Variants in GGA2 observed in about 807,000 individuals in gnomAD.
The protein encoded by GGA2 is golgi associated, gamma adaptin ear containing, ARF binding protein 2.
In GGA2, 48 loss-of-function variants were observed where a neutral mutation model predicts 79.5. The observed-to-expected ratio is 0.60, with a 90% confidence interval of 0.48 to 0.77. GGA2 has a LOEUF of 0.77. Among genes scored for constraint, GGA2 ranks in the 30% least tolerant of loss-of-function variants. The pLI is 0.00. For missense variants in GGA2, 770 were observed against 774.0 expected, an observed-to-expected ratio of 0.99 and a Z score of 0.06; for synonymous variants, 317 against 302.0, an observed-to-expected ratio of 1.05 and a Z score of -0.51.
At chr16:23,514,652 AT>A (rs1282467094), upstream of GGA2, among the ~76,000 whole-genome samples, 1 of 152,006 alleles carries the variant, frequency 6.6e-6, no homozygotes, top group Non-Finnish European at 1.5e-5. Flanking sequence ...AGGTCTCACC[AT>A]GTTGCCCAGG....
chr16:23,493,378 G>C lies in GGA2; in HGVS notation c.333C>G (p.Ile111Met). 3 of 1,602,320 alleles carry C rather than the reference G, an allele frequency of 1.9e-6. No individual in the cohort carries two copies. The highest frequency in any genetic ancestry group is 1.1e-5 in the South Asian group (1 of 90,806). Residue 111 changes from isoleucine to methionine, a missense_variant, in exon 4 of 17, where the codon ATC becomes ATG. Physicochemically the swap from Ile to Met is conservative, Grantham distance 10. Transcript: ENST00000309859. ...VAKFRFLNEL[I>M]KVLSPKYLGS... ...TACTCACCTTTGGGGACAACACTTTGATCAGTTCGTTCAGGAAACGAAATT... is the reference window on the plus strand; with the variant it reads ...TACTCACCTTTGGGGACAACACTTTCATCAGTTCGTTCAGGAAACGAAATT...
At chr16:23,509,270 C>T (rs1965009023) in intron 1 of GGA2, among the ~76,000 whole-genome samples, 1 of 152,178 alleles carries the variant, frequency 6.6e-6, no homozygotes, top group African/African-American at 2.4e-5. Flanking sequence ...GATTCCTGAG[C>T]TTTAGGCTTG....
At position 23,465,212 on chromosome 16, in the gene GGA2, C is replaced by T; in HGVS notation, c.*2378G>A. The T allele has an allele frequency of 3.2e-6, 2 of 632,198 alleles. No homozygotes were observed. The highest frequency in any genetic ancestry group is 5.5e-5 in the East Asian group (2 of 36,632). 39.2% of individuals were successfully genotyped at this position (632,198 alleles called of 1,614,324 possible). On this transcript the variant is annotated 3_prime_UTR_variant, in exon 17 of 17. Transcript: ENST00000309859. ...TGTAGCCCAGGCTGGACTTGAAATCCTGGGCTCAAGCGGTCATCCCACTCA... is the reference window on the plus strand; with the variant it reads ...TGTAGCCCAGGCTGGACTTGAAATCTTGGGCTCAAGCGGTCATCCCACTCA...
At chr16:23,521,856 A>C in exon 1 of GGA2, 1 of 456,070 alleles carries the variant, frequency 2.2e-6, no homozygotes, top group Non-Finnish European at 4.4e-6. Context: ...ATGCTCTGAC[A>C]ACACTCAGTA....
rs1304271551 is a variant in GGA2 at position 23,479,770 on chromosome 16, G to C, written c.1124C>G (p.Ala375Gly). 1.2e-6 allele frequency: 2 copies of C among 1,613,974 alleles called. No homozygotes were observed. Among genetic ancestry groups the C allele is most frequent in the Middle Eastern group, 3.3e-4 (2 of 5,980 alleles). The change falls in exon 11 of 17, where the codon GCC (alanine) becomes GGC (glycine). Residue 375 changes from alanine to glycine, a missense_variant. Ala to Gly is a moderately conservative substitution (Grantham distance 60, BLOSUM62 0). Coordinates refer to ENST00000309859, the MANE Select transcript of GGA2 (RefSeq NM_015044.4). The part of the protein sequence containing the change: ...VPSLLHQDLA[A>G]LGISDAPVTG... ...CCACAAGCACCTGCCCTCACCCAAG[G>C]CTGCCAGGTCCTGATGAAGCAAAGA...
rs1964451285 is a variant in GGA2 at position 23,467,387 on chromosome 16, A to AACACACACCCACACACACACAC, written c.*202_*203insGTGTGTGTGTGTGGGTGTGTGT. The AACACACACCCACACACACACAC allele has an allele frequency of 3.2e-6, 1 of 308,086 alleles. No homozygotes were observed. 19.1% of individuals were successfully genotyped at this position (308,086 alleles called of 1,614,324 possible). ...GCCCTGTGCTACCACCCTCTCCCCGAACACACACACACACACACACACACA... is the reference window on the plus strand; with the variant it reads ...GCCCTGTGCTACCACCCTCTCCCCGAACACACACCCACACACACACACACACACACACACACACACACACACA... On this transcript the variant is annotated 3_prime_UTR_variant, in exon 17 of 17. Coordinates refer to ENST00000309859, the MANE Select transcript of GGA2 (RefSeq NM_015044.4).
At chr16:23,475,398 C>T (rs943241791) in intron 13 of GGA2, among the ~76,000 whole-genome samples, 2 of 151,570 alleles carry the variant, frequency 1.3e-5, no homozygotes, top group South Asian at 2.1e-4. Context: ...CCACGTTGGC[C>T]GCGCTGGTCT....
chr16:23,516,872 C>G (rs1055636479), intron 2 of GGA2, among the ~76,000 whole-genome samples: 2 of 152,166 alleles, frequency 1.3e-5, no homozygotes, highest in Non-Finnish European at 2.9e-5. Context: ...GAAAGCCACC[C>G]TCTCCCCAGC....
intron 1 of GGA2, among the ~76,000 whole-genome samples, chr16:23,497,362 C>G (rs1964869357): frequency 6.6e-6 from 1 of 152,152 alleles, no homozygotes; most frequent in Admixed American, 6.6e-5. Context: ...CAGAAAACTT[C>G]CTCCCGCTGC....
At position 23,491,139 on chromosome 16, in the gene GGA2, A is replaced by G. The variant is rs916304347; in HGVS notation, c.475+538T>C. Among the ~76,000 whole-genome samples, 3 of 151,570 alleles carry G rather than the reference A, an allele frequency of 2.0e-5. 1 individual carries two copies. Among genetic ancestry groups the G allele is most frequent in the Admixed American group, 2.0e-4 (3 of 15,184 alleles). On this transcript the variant is annotated intron_variant, in intron 5 of 16. Transcript: ENST00000309859. The stretch of plus-strand genomic sequence containing the variant: ...TGTGTGTTGGGGTGTGGGTGGGAGA[A>G]TAATAATAAATGAAAAAATTAGTTG...
chr16:23,467,591 T>C lies in GGA2; in HGVS notation c.1841A>G (p.Ter614=). ...FPDLAVLGAA[*] ...ATGAAGGGTCCATCTTGTGAAAAGT[T>C]AGGCTGCGCCCAAGACAGCCAGGTC... Residue 614 remains the stop codon, a stop_retained_variant, in exon 17 of 17, where the codon TAA becomes TGA. Transcript: ENST00000309859. 3 of 1,494,916 alleles carry C rather than the reference T, an allele frequency of 2.0e-6. No homozygotes were observed. The highest frequency in any genetic ancestry group is 2.8e-6 in the Non-Finnish European group (3 of 1,072,460). The allele number at this position is 1,494,916 out of a possible 1,614,324, so 92.6% of individuals were successfully genotyped here. A position where few individuals can be genotyped will look rare whatever the true frequency, so the allele number is the denominator to read the frequency against.
intron 1 of GGA2, among the ~76,000 whole-genome samples, chr16:23,496,302 CAAAAAAAAAAAAAA>C (rs754859869): frequency 1.7e-4 from 6 of 35,868 alleles, no homozygotes; most frequent in South Asian, 1.9e-3. Context: ...GACTCTGTCT[CAAAAAAAAAAAAAA>C]AAAAAAAAAA....
chr16:23,518,205 C>G (rs1965115031), intron 2 of GGA2, among the ~76,000 whole-genome samples: 1 of 152,220 alleles, frequency 6.6e-6, no homozygotes, highest in Middle Eastern at 3.4e-3. Flanking sequence ...GCCACCACGC[C>G]TGGCTGACAT....
intron 13 of GGA2, among the ~76,000 whole-genome samples, chr16:23,476,334 C>G (rs1034974615): frequency 6.6e-6 from 1 of 152,168 alleles, no homozygotes; most frequent in Non-Finnish European, 1.5e-5. Flanking sequence ...CTATCAGGAA[C>G]ATGGGCACTT....
At chr16:23,471,431 T>C (rs1964509833) in intron 14 of GGA2, among the ~76,000 whole-genome samples, 1 of 151,944 alleles carries the variant, frequency 6.6e-6, no homozygotes, top group South Asian at 2.1e-4. Context: ...CTATAGCAAA[T>C]ACTCAGATAA....
At chr16:23,502,683 G>A (rs1455138497) in intron 1 of GGA2, among the ~76,000 whole-genome samples, 2 of 152,198 alleles carry the variant, frequency 1.3e-5, no homozygotes, top group African/African-American at 4.8e-5. Context: ...AGCAGCTTCT[G>A]CATCCTGAGG....
At chr16:23,490,648 T>G (rs1429421798) in intron 5 of GGA2, among the ~76,000 whole-genome samples, 1 of 151,638 alleles carries the variant, frequency 6.6e-6, no homozygotes, top group African/African-American at 2.4e-5. Flanking sequence ...GGCACAAGAA[T>G]TACTTGAACC....
intron 5 of GGA2, among the ~76,000 whole-genome samples, chr16:23,490,430 G>A (rs1050504790): frequency 6.6e-5 from 10 of 152,162 alleles, no homozygotes; most frequent in Admixed American, 6.6e-5. Flanking sequence ...GTATAAGTAT[G>A]TGTCAATTAA....
Position 23,467,472 on chromosome 16 carries a change from G to A in GGA2, c.*118C>T. The A allele has an allele frequency of 1.6e-6, 1 of 641,888 alleles. No individual in the cohort carries two copies. The highest frequency in any genetic ancestry group is 2.9e-5 in the East Asian group (1 of 34,646). The allele number at this position is 641,888 out of a possible 1,614,324, so 39.8% of individuals were successfully genotyped here. ...AATAAGTCAGAGGTTGACACCCAGA[G>A]CCTGACGTCAGGATAGGACTCTTGG... On this transcript the variant is annotated 3_prime_UTR_variant, in exon 17 of 17. Coordinates refer to ENST00000309859, the MANE Select transcript of GGA2 (RefSeq NM_015044.4).
Sources: allele counts gnomAD v4.1 joint callset (sites outside exome capture counted in the v4.1 genomes callset), GRCh38; gene constraint gnomAD v4.1.1; transcripts MANE v1.5; gene names NCBI Gene and HGNC (gene_info 2026-07-23, HGNC 2026-07-21).